The following EGF variants were observed in gnomAD, a reference collection of about 807,000 sequenced individuals.
The protein encoded by EGF is epidermal growth factor.
EGF carries 95 observed loss-of-function variants against 143.8 expected under a neutral mutation model. The ratio of observed to expected loss-of-function variants is 0.66; its 90% CI spans 0.56 to 0.78. The LOEUF is 0.78. Among genes scored for constraint, EGF ranks in the 30% least tolerant of loss-of-function variants. The pLI is 0.00. For missense variants in EGF, 1,320 were observed against 1,470.9 expected, an observed-to-expected ratio of 0.90 and a Z score of 1.68; for synonymous variants, 510 against 510.5, an observed-to-expected ratio of 1.00 and a Z score of 0.01.
chr4:109,922,656 T>TA (rs1382068212), intron 1 of EGF, among the ~76,000 whole-genome samples: 1 of 151,692 alleles, frequency 6.6e-6, no homozygotes, highest in South Asian at 2.1e-4. Context: ...GTTCTAGTGT[T>TA]ACGCTTGCTT....
In EGF at chr4:109,940,977, A is replaced by C; in HGVS notation, c.159A>C (p.Gly53=). 1 of 1,614,064 alleles carries C rather than the reference A, an allele frequency of 6.2e-7. No individual in the cohort carries two copies. Among genetic ancestry groups the C allele is most frequent in the Non-Finnish European group, 8.5e-7 (1 of 1,179,972 alleles). ...CACCCTTCTTAATTTTCTCCCATGG[A>C]AATAGTATCTTTAGGATTGACACAG... The part of the protein sequence containing the change: ...GPAPFLIFSH[G]NSIFRIDTEG... Residue 53 remains glycine, a synonymous_variant, in exon 2 of 24, where the codon GGA becomes GGC. Transcript: ENST00000265171.
intron 13 of EGF, among the ~76,000 whole-genome samples, chr4:109,978,290 C>A (rs1748817339): frequency 6.6e-6 from 1 of 152,138 alleles, no homozygotes; most frequent in African/African-American, 2.4e-5. Context: ...ATTGTTTGTA[C>A]ATTAAAAATG....
chr4:109,958,917 CAAAA>C (rs57909689), intron 5 of EGF, among the ~76,000 whole-genome samples: 9 of 98,546 alleles, frequency 9.1e-5, no homozygotes, highest in African/African-American at 1.9e-4. Flanking sequence ...GACCCTGTCT[CAAAA>C]AAAAAAAAAA....
intron 11 of EGF, among the ~76,000 whole-genome samples, chr4:109,970,612 G>A (rs923308620): frequency 2.0e-5 from 3 of 151,986 alleles, no homozygotes; most frequent in African/African-American, 7.3e-5. Flanking sequence ...AGATCACAAG[G>A]TCAGGAGATC....
rs773963383 is a variant in EGF, at chr4:109,980,044, G to A, written c.2126G>A (p.Arg709Lys). Reference sequence around the variant, plus strand: ...GATTGGGCTATGCCATCAGTAATGAGAGTAAACAAGAGGACTGGCAAAGAT... The same window carrying A: ...GATTGGGCTATGCCATCAGTAATGAAAGTAAACAAGAGGACTGGCAAAGAT... ...FSDWAMPSVM[R>K]VNKRTGKDRV... The change falls in exon 14 of 24, where the codon AGA becomes AAA. Residue 709 changes from arginine (R) to lysine (K), a missense_variant. Physicochemically the swap from Arg to Lys is conservative, Grantham distance 26 (BLOSUM62 2). Transcript: ENST00000265171. 1 of 1,614,052 alleles carries A rather than the reference G, an allele frequency of 6.2e-7. No homozygotes were observed. Among genetic ancestry groups the A allele is most frequent in the Non-Finnish European group, 8.5e-7 (1 of 1,179,946 alleles).
intron 1 of EGF, among the ~76,000 whole-genome samples, chr4:109,929,302 ACTTTC>A (rs1314033324): frequency 6.6e-6 from 1 of 152,052 alleles, no homozygotes; most frequent in Non-Finnish European, 1.5e-5. Context: ...ACTGCTTGAA[ACTTTC>A]CTTTCTTCTT....
chr4:109,947,227 C>T (rs1011356783), intron 5 of EGF, among the ~76,000 whole-genome samples: 10 of 152,216 alleles, frequency 6.6e-5, no homozygotes, highest in African/African-American at 2.4e-4. Context: ...CGTTAGGCTG[C>T]TCAATGTACC....
chr4:109,931,429 AT>A (rs1397356749), intron 1 of EGF, among the ~76,000 whole-genome samples: 1 of 152,230 alleles, frequency 6.6e-6, no homozygotes, highest in East Asian at 1.9e-4. Flanking sequence ...GAAAATGAAG[AT>A]TGTAATATCT....
In EGF at chr4:109,980,923, A is replaced by C; in HGVS notation, c.2319A>C (p.Lys773Asn). The C allele has an allele frequency of 6.2e-7, 1 of 1,614,126 alleles. No individual in the cohort carries two copies. The highest frequency in any genetic ancestry group is 8.5e-7 in the Non-Finnish European group (1 of 1,179,998). The change falls in exon 15 of 24, where the codon AAA (lysine) becomes AAC (asparagine). Residue 773 changes from lysine to asparagine, a missense_variant. Transcript: ENST00000265171. ...AWCSCREGFMKASDGKTCLAL... is the reference protein window; with the variant it reads ...AWCSCREGFMNASDGKTCLAL... ...GTTCGTGTCGTGAAGGTTTTATGAA[A>C]GCCTCAGATGGGAAAACGTGTCTGG...
intron 19 of EGF, among the ~76,000 whole-genome samples, chr4:109,994,343 G>A (rs1343203197): frequency 6.6e-6 from 1 of 152,156 alleles, no homozygotes; most frequent in Non-Finnish European, 1.5e-5. Context: ...TTGATGGGTA[G>A]GTTTTAAACC....
At chr4:109,928,793 T>A (rs1036861208) in intron 1 of EGF, among the ~76,000 whole-genome samples, 6 of 152,166 alleles carry the variant, frequency 3.9e-5, no homozygotes, top group Non-Finnish European at 7.4e-5. Context: ...ATCTTTCTTT[T>A]AATGTTAATG....
chr4:109,948,711 C>T (rs1249134073), intron 5 of EGF, among the ~76,000 whole-genome samples: 13 of 152,148 alleles, frequency 8.5e-5, no homozygotes, highest in Admixed American at 6.5e-4. Flanking sequence ...GTCTCAAACT[C>T]CTGAGCTCAA....
At chr4:109,935,543 A>G (rs1740618043) in intron 1 of EGF, among the ~76,000 whole-genome samples, 1 of 151,978 alleles carries the variant, frequency 6.6e-6, no homozygotes, top group South Asian at 2.1e-4. Flanking sequence ...AATACCCTTT[A>G]TTTCTTCCTC....
chr4:109,915,314 A>AT (rs1055585327), intron 1 of EGF, among the ~76,000 whole-genome samples: 23 of 152,072 alleles, frequency 1.5e-4, no homozygotes, highest in South Asian at 4.2e-4. Context: ...TGCTTTTAGG[A>AT]TTTTTTTGTG....
chr4:109,970,517 T>C (rs2298989), intron 11 of EGF, among the ~76,000 whole-genome samples: 85,336 of 151,950 alleles, frequency 0.56, 26,569 homozygotes, highest in African/African-American at 0.83. Context: ...TTTTGTGTCC[T>C]AGAAATATCT....
intron 20 of EGF, among the ~76,000 whole-genome samples, chr4:109,996,884 C>T (rs1265498171): frequency 1.3e-5 from 2 of 152,164 alleles, no homozygotes; most frequent in African/African-American, 4.8e-5. Flanking sequence ...AGCCAAACAC[C>T]CTTCTGAACA....
chr4:109,919,330 TCTCTCTCTCTC>T (rs1737343583), intron 1 of EGF, among the ~76,000 whole-genome samples: 1 of 146,222 alleles, frequency 6.8e-6, no homozygotes, highest in Non-Finnish European at 1.5e-5. Context: ...TCTCTCTCTC[TCTCTCTCTCTC>T]ATCTCTCTCT....
intron 13 of EGF, 38 bp from the exon 14 acceptor site, chr4:109,979,931 AGAC>A: frequency 3.1e-6 from 5 of 1,610,682 alleles, no homozygotes; most frequent in Non-Finnish European, 4.2e-6. Flanking sequence ...GTCATTGCAA[AGAC>A]AAAGAAGGTG....
At chr4:109,963,635 ATC>A (rs745635681) in intron 9 of EGF, among the ~76,000 whole-genome samples, 13 of 152,190 alleles carry the variant, frequency 8.5e-5, no homozygotes, top group Non-Finnish European at 1.9e-4. Context: ...TTTGATTTTT[ATC>A]TCTCTACTGA....
Sources: allele counts gnomAD v4.1 joint callset (sites outside exome capture counted in the v4.1 genomes callset), GRCh38; gene constraint gnomAD v4.1.1; transcripts MANE v1.5; gene names NCBI Gene and HGNC (gene_info 2026-07-23, HGNC 2026-07-21).